The following SYNJ2 variants were observed in gnomAD, a reference collection of about 807,000 sequenced individuals.
SYNJ2 encodes polyphosphatidylinositol phosphatase SYNJ2.
Under a neutral mutation model 141.3 loss-of-function variants are expected in SYNJ2, and 116 were observed. That is an observed-to-expected ratio of 0.82 (90% confidence interval 0.71 to 0.96). The LOEUF (loss-of-function observed/expected upper bound fraction) is 0.96. SYNJ2 is among the 40% of genes least tolerant of loss of function. The pLI is 0.00. For missense variants in SYNJ2, 1,873 were observed against 1,934.8 expected (o/e 0.97, Z 0.60); for synonymous variants, 745 against 777.7 (o/e 0.96, Z 0.70).
intron 2 of SYNJ2, among the ~76,000 whole-genome samples, chr6:158,022,591 G>A (rs781475045): frequency 1.3e-5 from 2 of 152,238 alleles, no homozygotes; most frequent in Non-Finnish European, 2.9e-5. Flanking sequence ...CTCCTGGGAG[G>A]CCCAGAGAGG....
chr6:158,047,350 ACTCTGG>A lies in SYNJ2; in HGVS notation c.795+3955_795+3960del, dbSNP rs1780295922. 7.2e-5 allele frequency among the ~76,000 whole-genome samples: 11 copies of A among 152,250 alleles called. No homozygotes were observed. In the South Asian group the frequency reaches 2.3e-3, roughly 32 times the overall value. On this transcript the variant is annotated intron_variant, in intron 5 of 26. Coordinates refer to ENST00000355585, the MANE Select transcript of SYNJ2 (RefSeq NM_003898.4). ...GACGCAGACCTGGGCTCAAATTCAAACTCTGGCTCCCCTGCTTTGTAACCATGTGTG... is the reference window on the plus strand; with the variant it reads ...GACGCAGACCTGGGCTCAAATTCAAACTCCCCTGCTTTGTAACCATGTGTG...
intron 15 of SYNJ2, among the ~76,000 whole-genome samples, chr6:158,074,231 G>T (rs894459657): frequency 6.6e-6 from 1 of 152,160 alleles, no homozygotes; most frequent in Non-Finnish European, 1.5e-5. Flanking sequence ...TGAATGCTGG[G>T]TGCTGCTTCC....
intron 1 of SYNJ2, among the ~76,000 whole-genome samples, chr6:157,984,949 C>T (rs1368491557): frequency 7.1e-6 from 1 of 141,430 alleles, no homozygotes; most frequent in Non-Finnish European, 1.6e-5. Flanking sequence ...CTTTCCCGGC[C>T]CCTGAGTCAT....
In SYNJ2 at chr6:158,096,859, T is replaced by C. The variant is rs754871011; in HGVS notation, c.*495T>C. 1 of 154,698 alleles carries C rather than the reference T, an allele frequency of 6.5e-6. No individual in the cohort carries two copies. The highest frequency in any genetic ancestry group is 1.4e-5 in the Non-Finnish European group (1 of 69,688). The allele number at this position is 154,698 out of a possible 1,614,324, so 9.6% of individuals were successfully genotyped here. ...GCTGTCCTGGCCCACTTAAACAAGG[T>C]TACAAAAAATCAGAGTCGGAAGCAG... On this transcript the variant is annotated 3_prime_UTR_variant, in exon 27 of 27. Coordinates refer to ENST00000355585, the MANE Select transcript of SYNJ2 (RefSeq NM_003898.4).
rs572327896 is a variant in SYNJ2, at chr6:158,068,571, C to T, written c.1718-76C>T. On this transcript the variant is annotated intron_variant, in intron 12 of 26. Transcript: ENST00000355585. Reference sequence around the variant, plus strand: ...GTGGACAGCATGACTCGGGAGAGGGCACTGGGGAGCCCCATGAACTCGTAA... The same window carrying T: ...GTGGACAGCATGACTCGGGAGAGGGTACTGGGGAGCCCCATGAACTCGTAA... 1.8e-5 allele frequency: 27 copies of T among 1,530,974 alleles called. No homozygotes were observed. The African/African-American group carries it at 3.1e-4, about 18-fold the overall frequency. The allele number at this position is 1,530,974 out of a possible 1,614,324, so 94.8% of individuals were successfully genotyped here.
intron 5 of SYNJ2, among the ~76,000 whole-genome samples, chr6:158,046,733 T>C (rs1014359364): frequency 9.2e-5 from 14 of 152,206 alleles, no homozygotes; most frequent in African/African-American, 3.4e-4. Flanking sequence ...CTTTAATAAA[T>C]TTCATTTTTA....
intron 1 of SYNJ2, among the ~76,000 whole-genome samples, chr6:157,999,071 A>G (rs574482433): frequency 2.0e-5 from 3 of 152,392 alleles, no homozygotes; most frequent in South Asian, 4.1e-4. Context: ...TGATCATAGC[A>G]TATAAAAGAA....
In SYNJ2 at chr6:158,070,180, G is replaced by T. The variant is rs753915061; in HGVS notation, c.1940+507G>T. The stretch of plus-strand genomic sequence containing the variant: ...GCATTCCTCTTGGGGTGTGGGTGTG[G>T]GTGTTTGGATGCTGGAGGAACTCAT... On this transcript the variant is annotated intron_variant, in intron 14 of 26. Transcript: ENST00000355585. This position sits in a 1 kb window ranked among gnomAD's most constrained non-coding sequence, Gnocchi z 4.0. 2.1e-5 allele frequency: 21 copies of T among 985,424 alleles called. No homozygotes were observed. The Admixed American group carries it at 2.5e-4, about 12-fold the overall frequency. 61.0% of individuals were successfully genotyped at this position (985,424 alleles called of 1,614,324 possible).
At chr6:158,018,862 C>T (rs1452738393) in intron 2 of SYNJ2, among the ~76,000 whole-genome samples, 4 of 152,230 alleles carry the variant, frequency 2.6e-5, no homozygotes, top group African/African-American at 4.8e-5. Flanking sequence ...TGGAAATGTG[C>T]GGGCTGCCGA....
chr6:158,029,562 C>T (rs1779255556), intron 3 of SYNJ2, among the ~76,000 whole-genome samples: 1 of 152,002 alleles, frequency 6.6e-6, no homozygotes, highest in South Asian at 2.1e-4. Context: ...AAGACTCTGT[C>T]TCAAAGAAAA....
chr6:158,059,213 C>A lies in SYNJ2; in HGVS notation c.858-44C>A, dbSNP rs766559211. 27 of 1,505,578 alleles carry A rather than the reference C, an allele frequency of 1.8e-5. No individual in the cohort carries two copies. The Middle Eastern group carries it at 9.3e-4, about 52-fold the overall frequency. The allele number at this position is 1,505,578 out of a possible 1,614,324, so 93.3% of individuals were successfully genotyped here. ...GGGCAGAACAGGGCAGAGTCTGCACCTGTGCCCGTGCCCAGCATCACGCCC... is the reference window on the plus strand; with the variant it reads ...GGGCAGAACAGGGCAGAGTCTGCACATGTGCCCGTGCCCAGCATCACGCCC... On this transcript the variant is annotated intron_variant, in intron 6 of 26. Coordinates refer to ENST00000355585, the MANE Select transcript of SYNJ2 (RefSeq NM_003898.4).
chr6:158,035,248 T>C (rs1779578175), intron 4 of SYNJ2, among the ~76,000 whole-genome samples: 1 of 152,232 alleles, frequency 6.6e-6, no homozygotes, highest in Non-Finnish European at 1.5e-5. Flanking sequence ...AGGAATAGCT[T>C]TGAATCCATA....
chr6:158,066,770 C>A, intron 12 of SYNJ2, 135 bp downstream of exon 12: 1 of 1,027,160 alleles, frequency 9.7e-7, no homozygotes, highest in Non-Finnish European at 1.4e-6. Context: ...CTAAATAGCA[C>A]CATGGCCTGA....
intron 1 of SYNJ2, among the ~76,000 whole-genome samples, chr6:157,988,535 CGTGTCTCTCTGCT>C (rs1157077684): frequency 2.6e-5 from 4 of 152,166 alleles, no homozygotes; most frequent in East Asian, 3.9e-4. Context: ...TGTCCCAGCC[CGTGTCTCTCTGCT>C]GTGTCTCTCT....
In SYNJ2 at chr6:158,076,728, G is replaced by A. The variant is rs766909086; in HGVS notation, c.2395G>A (p.Ala799Thr). 8.1e-6 allele frequency: 13 copies of A among 1,614,008 alleles called. No individual in the cohort carries two copies. Among genetic ancestry groups the A allele is most frequent in the Non-Finnish European group, 7.6e-6 (9 of 1,180,022 alleles). ...TACAAGCGACAAATGCCGCACCCCC[G>A]CCTGGACAGACAGGGTGCTGTGGTG... is the stretch of plus-strand genomic sequence containing the variant. ...YDTSDKCRTP[A>T]WTDRVLWWRK... The change falls in exon 17 of 27, where the codon GCC (alanine) becomes ACC (threonine). Residue 799 changes from alanine (A) to threonine (T), a missense_variant. Ala to Thr is a moderately conservative substitution (Grantham distance 58). Transcript: ENST00000355585.
intron 2 of SYNJ2, among the ~76,000 whole-genome samples, chr6:158,024,858 T>C (rs1430449469): frequency 3.3e-5 from 5 of 152,242 alleles, no homozygotes; most frequent in Non-Finnish European, 7.3e-5. Context: ...ATCACGTTAC[T>C]GTGTAGATTC....
At chr6:158,029,280 G>A (rs1779233458) in intron 3 of SYNJ2, 5 of 389,174 alleles carry the variant, frequency 1.3e-5, no homozygotes, top group Admixed American at 3.7e-5. Context: ...CAGGCATGGT[G>A]CCTCATGCCT....
Position 158,027,020 on chromosome 6 carries a change from G to A in SYNJ2, c.215-1736G>A, listed in dbSNP as rs1229347997. 31 of 985,306 alleles carry A rather than the reference G, an allele frequency of 3.1e-5. No homozygotes were observed. Among genetic ancestry groups the A allele is most frequent in the Non-Finnish European group, 3.7e-5 (31 of 829,932 alleles). The allele number at this position is 985,306 out of a possible 1,614,324, so 61.0% of individuals were successfully genotyped here. On this transcript the variant is annotated intron_variant, in intron 2 of 26. Coordinates refer to ENST00000355585, the MANE Select transcript of SYNJ2 (RefSeq NM_003898.4). This position sits in a 1 kb window ranked among gnomAD's most constrained non-coding sequence, Gnocchi z 4.6. ...GGATGTGTCTGGGGAGATGTGATGGGATCAACCCCCTGCCCTGCTGGCAGC... is the reference window on the plus strand; with the variant it reads ...GGATGTGTCTGGGGAGATGTGATGGAATCAACCCCCTGCCCTGCTGGCAGC...
intron 2 of SYNJ2, among the ~76,000 whole-genome samples, chr6:158,018,723 G>A (rs145195410): frequency 6.6e-6 from 1 of 152,206 alleles, no homozygotes; most frequent in African/African-American, 2.4e-5. Flanking sequence ...CCTAAAAATA[G>A]GCTACCGTGA....
Sources: gnomAD v4.1 joint callset for allele counts (sites outside exome capture counted in the v4.1 genomes callset) on GRCh38, gnomAD v4.1.1 for gene constraint, Gnocchi (gnomAD v3.1) non-coding constraint, MANE v1.5 for transcripts, NCBI Gene and HGNC (gene_info 2026-07-23, HGNC 2026-07-21) for gene names.